Variants in PRPS2 observed in about 807,000 individuals in gnomAD.
PRPS2 encodes the protein phosphoribosyl pyrophosphate synthetase 2.
For missense variants in PRPS2, 104 were observed against 271.5 expected (o/e 0.38, Z 4.34); for synonymous variants, 111 against 115.3 (o/e 0.96, Z 0.24).
chrX:12,798,231 C>G (rs1364094967), intron 1 of PRPS2, among the ~76,000 whole-genome samples: 1 of 112,729 alleles, frequency 8.9e-6, no homozygotes, highest in African/African-American at 3.2e-5. Flanking sequence ...AAAGAAAATA[C>G]AAGCATTCGT....
At chrX:12,822,323 C>T (rs2042680243) in intron 6 of PRPS2, among the ~76,000 whole-genome samples, 1 of 112,425 alleles carries the variant, frequency 8.9e-6, no homozygotes, top group Admixed American at 9.4e-5. Context: ...TAGATGATCA[C>T]AGTTGTGCTC....
At chrX:12,791,792 C>G (rs1286584035) in intron 1 of PRPS2, among the ~76,000 whole-genome samples, 173 bp downstream of exon 1, 8 of 110,422 alleles carry the variant, frequency 7.2e-5, no homozygotes, top group African/African-American at 1.3e-4. Context: ...TGCGAAGAAA[C>G]CGAGGCGGGG....
chrX:12,805,824 G>C (rs2042590716), intron 2 of PRPS2, among the ~76,000 whole-genome samples: 1 of 112,072 alleles, frequency 8.9e-6, no homozygotes, highest in Admixed American at 9.4e-5. Flanking sequence ...TGTAATCCCA[G>C]CACTTTGGGA....
At chrX:12,801,238 GTGTGTGTGTGTGTGTA>G (rs199914482) in intron 2 of PRPS2, among the ~76,000 whole-genome samples, 1,201 of 108,768 alleles carry the variant, frequency 0.011, 18 homozygotes, top group African/African-American at 0.039. Flanking sequence ...GTGTGTGTGT[GTGTGTGTGTGTGTGTA>G]TGTGTGTGTG....
In PRPS2 at chrX:12,809,339, G is replaced by A. The variant is rs759466782; in HGVS notation, c.405+7G>A. On this transcript the variant is annotated splice_region_variant and intron_variant, in intron 3 of 6. Coordinates refer to ENST00000380668, the MANE Select transcript of PRPS2 (RefSeq NM_002765.5). ...GCATGCTTCTCAGATACAGGTATCC[G>A]TGTTTTCCTTCTGCAAATGGTTAAA... 1.7e-5 allele frequency: 20 copies of A among 1,198,599 alleles called. No homozygotes were observed. Among genetic ancestry groups the A allele is most frequent in the Middle Eastern group, 2.3e-4 (1 of 4,333 alleles).
rs184195404 is a variant in PRPS2, at chrX:12,811,140, A to G, written c.530+994A>G. ...ACCCGATGCCTGATCCAAAGTTAGAAAACCAAGAGAACACAGTCCACGCAG... is the reference window on the plus strand; with the variant it reads ...ACCCGATGCCTGATCCAAAGTTAGAGAACCAAGAGAACACAGTCCACGCAG... On this transcript the variant is annotated intron_variant, in intron 4 of 6. Transcript: ENST00000380668. Among the ~76,000 whole-genome samples, 3 of 112,626 alleles carry G rather than the reference A, an allele frequency of 2.7e-5. 1 individual carries two copies. The East Asian group carries it at 8.3e-4, about 31-fold the overall frequency.
intron 5 of PRPS2, among the ~76,000 whole-genome samples, chrX:12,819,946 G>GA (rs1448199053): frequency 1.8e-5 from 2 of 112,312 alleles, no homozygotes; most frequent in Non-Finnish European, 3.8e-5. Context: ...AGCACGACAG[G>GA]AAAGATGGTT....
intron 1 of PRPS2, among the ~76,000 whole-genome samples, chrX:12,798,780 C>T (rs751508167): frequency 9.0e-6 from 1 of 111,689 alleles, no homozygotes; most frequent in South Asian, 3.8e-4. Flanking sequence ...AATTGATAAA[C>T]AATGTGGTTC....
intron 2 of PRPS2, among the ~76,000 whole-genome samples, chrX:12,807,102 A>C (rs781387526): frequency 2.5e-4 from 2 of 7,915 alleles, no homozygotes; most frequent in South Asian, 0.012. Context: ...GGAGGGGGGA[A>C]AAAAAGGACA....
At chrX:12,817,470 A>T (rs1287767382) in intron 4 of PRPS2, among the ~76,000 whole-genome samples, 1 of 46,543 alleles carries the variant, frequency 2.1e-5, no homozygotes, top group Non-Finnish European at 4.6e-5. Context: ...GTTCCTCATA[A>T]AAAAAAAAAA....
intron 1 of PRPS2, among the ~76,000 whole-genome samples, chrX:12,792,210 A>G (rs1467161251): frequency 8.9e-6 from 1 of 112,396 alleles, no homozygotes; most frequent in Non-Finnish European, 1.9e-5. Flanking sequence ...GCGGAGGATC[A>G]GCGATTTTAC....
intron 1 of PRPS2, among the ~76,000 whole-genome samples, chrX:12,795,159 C>CA (rs997176776): frequency 9.0e-6 from 1 of 111,357 alleles, no homozygotes; most frequent in Non-Finnish European, 1.9e-5. Context: ...TTAAGGGCCC[C>CA]ATGATTACAA....
At chrX:12,794,737 A>G (rs970109033) in intron 1 of PRPS2, among the ~76,000 whole-genome samples, 12 of 111,792 alleles carry the variant, frequency 1.1e-4, no homozygotes, top group African/African-American at 3.9e-4. Flanking sequence ...GCTTTAGGGG[A>G]AAAGTTGCCA....
In PRPS2 at chrX:12,791,439, G is replaced by A. The variant is rs560338016; in HGVS notation, c.-59G>A. On this transcript the variant is annotated 5_prime_UTR_variant, in exon 1 of 7. Coordinates refer to ENST00000380668, the MANE Select transcript of PRPS2 (RefSeq NM_002765.5). ...AGCAGCAGCCTCCCGCGTCGCTGTC[G>A]CTGTTGCCTCCGCCACCTCCTCCGC... 2 of 1,165,498 alleles carry A rather than the reference G, an allele frequency of 1.7e-6. No homozygotes were observed. Among genetic ancestry groups the A allele is most frequent in the Non-Finnish European group, 2.3e-6 (2 of 870,583 alleles).
chrX:12,816,433 G>A (rs1439143969), intron 4 of PRPS2, among the ~76,000 whole-genome samples: 1 of 110,833 alleles, frequency 9.0e-6, no homozygotes, highest in Admixed American at 9.6e-5. Flanking sequence ...CTCCCAAGTA[G>A]CTGGAACTAA....
chrX:12,791,526 G>C lies in PRPS2; in HGVS notation c.29G>C (p.Ser10Thr). MPNIVLFSG[S>T]SHQDLSQRVA... ...CCCAACATCGTGCTGTTCAGCGGCA[G>C]CTCGCATCAGGACCTGTCCCAGCGC... The change falls in exon 1 of 7, where the codon AGC becomes ACC. Residue 10 changes from serine to threonine, a missense_variant. By Grantham distance (58) the Ser-to-Thr change is moderately conservative (BLOSUM62 1). Coordinates refer to ENST00000380668, the MANE Select transcript of PRPS2 (RefSeq NM_002765.5). 8.3e-7 allele frequency: 1 copy of C among 1,206,602 alleles called. No individual in the cohort carries two copies. The highest frequency in any genetic ancestry group is 3.0e-5 in the East Asian group (1 of 33,345).
At chrX:12,801,426 G>A (rs1176550349) in intron 2 of PRPS2, among the ~76,000 whole-genome samples, 1 of 111,623 alleles carries the variant, frequency 9.0e-6, no homozygotes, top group Non-Finnish European at 1.9e-5. Flanking sequence ...TTCTAATTTT[G>A]TCCCATTGGT....
chrX:12,819,324 A>G (rs3815366), intron 4 of PRPS2, among the ~76,000 whole-genome samples, 183 bp from the exon 5 acceptor site: 24,076 of 111,455 alleles, frequency 0.22, 2,227 homozygotes, highest in East Asian at 0.41. Flanking sequence ...AAGGTCCGCC[A>G]TTAGCACATT....
chrX:12,807,297 A>T (rs2042598550), intron 2 of PRPS2, among the ~76,000 whole-genome samples: 1 of 111,877 alleles, frequency 8.9e-6, no homozygotes, highest in Non-Finnish European at 1.9e-5. Flanking sequence ...TCCCGCTCTC[A>T]AGGGAGCAGC....
Sources: gnomAD v4.1 joint callset for allele counts (sites outside exome capture counted in the v4.1 genomes callset) on GRCh38, gnomAD v4.1.1 for gene constraint, MANE v1.5 for transcripts, NCBI Gene and HGNC (gene_info 2026-07-23, HGNC 2026-07-21) for gene names.